Variants in ODAD2 observed in about 807,000 individuals in gnomAD.
The protein encoded by ODAD2 is outer dynein arm-docking complex subunit 2.
In ODAD2, 89 loss-of-function variants were observed where a neutral mutation model predicts 106.8. The observed-to-expected ratio is 0.83, with a 90% CI of 0.70 to 0.99. ODAD2 has a LOEUF of 0.99. ODAD2 is among the 50% of genes least tolerant of loss of function. The pLI is 0.00. For missense variants in ODAD2, 1,168 were observed against 1,238.5 expected, an observed-to-expected ratio of 0.94 and a Z score of 0.85; for synonymous variants, 404 against 436.2, an observed-to-expected ratio of 0.93 and a Z score of 0.92.
At chr10:27,819,904 C>A (rs1836466237) in intron 19 of ODAD2, among the ~76,000 whole-genome samples, 2 of 151,970 alleles carry the variant, frequency 1.3e-5, no homozygotes, top group African/African-American at 4.8e-5. Flanking sequence ...GTTTCTCTGA[C>A]TGCATTTTTA....
At chr10:27,998,211 C>T (rs1269816506) in intron 1 of ODAD2, among the ~76,000 whole-genome samples, 3 of 152,194 alleles carry the variant, frequency 2.0e-5, no homozygotes, top group East Asian at 3.8e-4. Flanking sequence ...GCATACACTG[C>T]TTTCTGAGAA....
At chr10:27,862,674 C>G in intron 17 of ODAD2, 52 bp from the exon 18 acceptor site, 1 of 1,423,232 alleles carries the variant, frequency 7.0e-7, no homozygotes, top group East Asian at 2.4e-5. Context: ...TACATTTAGG[C>G]ATTTTTTAAG....
At position 27,862,636 on chromosome 10, in the gene ODAD2, A is replaced by G. The variant is rs1840135337; in HGVS notation, c.2611-14T>C. ...TTCCCCAGCATCCTAGACAAAAATA[A>G]AAGTAAAGATGGTATCAAAACTAAA... On this transcript the variant is annotated splice_polypyrimidine_tract_variant and intron_variant, in intron 17 of 19. Transcript: ENST00000305242. 1 of 1,583,366 alleles carries G rather than the reference A, an allele frequency of 6.3e-7. No homozygotes were observed. The highest frequency in any genetic ancestry group is 8.6e-7 in the Non-Finnish European group (1 of 1,167,192).
At chr10:27,818,048 C>A (rs2132821265) in intron 19 of ODAD2, among the ~76,000 whole-genome samples, 1 of 151,632 alleles carries the variant, frequency 6.6e-6, no homozygotes, top group Non-Finnish European at 1.5e-5. Flanking sequence ...GTATGGAGTG[C>A]CAACTGTAAG....
chr10:27,819,574 T>TAAAAAAA (rs56031733), intron 19 of ODAD2, among the ~76,000 whole-genome samples: 1 of 74,014 alleles, frequency 1.4e-5, no homozygotes, highest in African/African-American at 5.1e-5. Context: ...CCCTGTCTCT[T>TAAAAAAA]AAAAAAAAAA....
chr10:27,976,355 A>C (rs766307918), intron 7 of ODAD2, among the ~76,000 whole-genome samples: 23 of 152,072 alleles, frequency 1.5e-4, no homozygotes, highest in Non-Finnish European at 3.2e-4. Flanking sequence ...TACATAGAAA[A>C]CCCTCTGGAA....
intron 16 of ODAD2, 67 bp from the exon 17 acceptor site, chr10:27,907,844 C>A (rs1316497764): frequency 2.5e-5 from 27 of 1,066,548 alleles, no homozygotes; most frequent in Non-Finnish European, 3.3e-5. Flanking sequence ...TTTTAATGAC[C>A]CACTTATTTA....
intron 17 of ODAD2, among the ~76,000 whole-genome samples, chr10:27,881,516 A>G (rs1029302215): frequency 2.0e-5 from 3 of 152,040 alleles, no homozygotes; most frequent in African/African-American, 7.2e-5. Context: ...ACGCACCTGT[A>G]GTCCCACTTA....
chr10:27,861,285 C>T (rs1318379495), intron 18 of ODAD2, among the ~76,000 whole-genome samples: 1 of 152,206 alleles, frequency 6.6e-6, no homozygotes, highest in African/African-American at 2.4e-5. Flanking sequence ...AGCCACTGCA[C>T]CCAGCTGAAG....
intron 19 of ODAD2, among the ~76,000 whole-genome samples, chr10:27,831,828 C>T (rs937597366): frequency 6.6e-6 from 1 of 152,250 alleles, no homozygotes; most frequent in African/African-American, 2.4e-5. Flanking sequence ...CTCAATGGAG[C>T]CTGTTTGTTT....
chr10:27,985,321 C>T, intron 3 of ODAD2, 110 bp from the exon 4 acceptor site: 1 of 932,768 alleles, frequency 1.1e-6, no homozygotes, highest in African/African-American at 1.7e-5. Flanking sequence ...GTGTTTCTTT[C>T]ATTAAGCTTT....
intron 14 of ODAD2, among the ~76,000 whole-genome samples, chr10:27,939,352 T>C (rs1846219942): frequency 6.6e-6 from 1 of 152,204 alleles, no homozygotes; most frequent in African/African-American, 2.4e-5. Context: ...CTCTGACTTA[T>C]ACAAGTTATC....
chr10:27,906,014 A>G (rs1171838942), intron 17 of ODAD2, among the ~76,000 whole-genome samples: 1 of 152,200 alleles, frequency 6.6e-6, no homozygotes, highest in Non-Finnish European at 1.5e-5. Context: ...AGAATTGACA[A>G]ATGGGATTGA....
intron 3 of ODAD2, among the ~76,000 whole-genome samples, chr10:27,986,631 T>C: frequency 6.6e-6 from 1 of 152,156 alleles, no homozygotes; most frequent in East Asian, 1.9e-4. Flanking sequence ...TAGGCAGAAT[T>C]CAAATACCTT....
chr10:27,995,298 A>G, intron 1 of ODAD2, 118 bp from the exon 2 acceptor site: 1 of 1,165,302 alleles, frequency 8.6e-7, no homozygotes, highest in Non-Finnish European at 1.2e-6. Flanking sequence ...TTAATCTTGG[A>G]AGATTCTTTT....
chr10:27,946,425 G>T (rs889612193), intron 10 of ODAD2, among the ~76,000 whole-genome samples: 1 of 151,702 alleles, frequency 6.6e-6, no homozygotes, highest in East Asian at 1.9e-4. Context: ...ACATATTTTG[G>T]GGGTACATGT....
intron 16 of ODAD2, among the ~76,000 whole-genome samples, chr10:27,925,034 A>G (rs1845161685): frequency 6.6e-6 from 1 of 151,726 alleles, no homozygotes; most frequent in Non-Finnish European, 1.5e-5. Context: ...CAAGTATAAC[A>G]TTGATAACTA....
At chr10:27,898,328 C>CA (rs1222387796) in intron 17 of ODAD2, among the ~76,000 whole-genome samples, 1 of 151,774 alleles carries the variant, frequency 6.6e-6, no homozygotes, top group East Asian at 1.9e-4. Context: ...CTTCAATTTC[C>CA]AAAAAAAACA....
At chr10:27,878,509 G>A (rs1722731222) in intron 17 of ODAD2, among the ~76,000 whole-genome samples, 1 of 152,090 alleles carries the variant, frequency 6.6e-6, no homozygotes, top group South Asian at 2.1e-4. Flanking sequence ...GCACATACAA[G>A]GCGAGCGTAA....
Sources: allele counts gnomAD v4.1 joint callset (sites outside exome capture counted in the v4.1 genomes callset), GRCh38; gene constraint gnomAD v4.1.1; transcripts MANE v1.5; gene names NCBI Gene and HGNC (gene_info 2026-07-23, HGNC 2026-07-21).